Variants in AMZ2 observed in about 807,000 individuals in gnomAD.
The protein encoded by AMZ2 is archaelysin family metallopeptidase 2, also known as archaemetzincin-2.
Under a neutral mutation model 36.7 loss-of-function variants are expected in AMZ2, and 26 were observed. The ratio of observed to expected loss-of-function variants is 0.71; its 90% confidence interval spans 0.52 to 0.98. AMZ2 has a LOEUF of 0.98. Among genes scored for constraint, AMZ2 ranks in the 50% least tolerant of loss-of-function variants. The pLI is 0.00. For synonymous variants in AMZ2, 144 were observed against 149.1 expected (o/e 0.97, Z 0.25); for missense variants, 394 against 430.5 (o/e 0.92, Z 0.75).
intron 1 of AMZ2, among the ~76,000 whole-genome samples, chr17:68,223,307 T>C (rs1184038888): frequency 1.3e-5 from 2 of 151,792 alleles, no homozygotes; most frequent in East Asian, 1.9e-4. Context: ...AAGGACTGAG[T>C]TATGCTGGAT....
upstream of AMZ2, chr17:68,247,039 A>T (rs1383954535): frequency 6.6e-6 from 1 of 150,676 alleles, no homozygotes; most frequent in African/African-American, 2.5e-5. Context: ...GAAAACCCGT[A>T]TTAAAAAAAA....
chr17:68,253,883 G>A (rs2074690146), intron 4 of AMZ2, among the ~76,000 whole-genome samples: 1 of 151,846 alleles, frequency 6.6e-6, no homozygotes, highest in Admixed American at 6.6e-5. Context: ...CTCCCTAGTA[G>A]CTGGGATTAC....
chr17:68,229,417 G>T (rs2073605284), intron 1 of AMZ2, among the ~76,000 whole-genome samples: 1 of 152,216 alleles, frequency 6.6e-6, no homozygotes, highest in Admixed American at 6.5e-5. Flanking sequence ...GCCTGTGCTA[G>T]AACTGGGCAT....
intron 1 of AMZ2, among the ~76,000 whole-genome samples, chr17:68,208,206 G>A (rs2072903132): frequency 6.6e-6 from 1 of 152,220 alleles, no homozygotes; most frequent in African/African-American, 2.4e-5. Context: ...CGGGCACAGG[G>A]CGCGGGACTG....
intron 1 of AMZ2, among the ~76,000 whole-genome samples, chr17:68,216,536 G>A (rs782630789): frequency 1.2e-4 from 18 of 152,192 alleles, no homozygotes; most frequent in Non-Finnish European, 2.6e-4. Flanking sequence ...TGGCTCTTAG[G>A]AGGTAGAACC....
chr17:68,250,671 G>GA, intron 2 of AMZ2, 123 bp from the exon 3 acceptor site: 1 of 1,184,662 alleles, frequency 8.4e-7, no homozygotes, highest in Non-Finnish European at 1.2e-6. Flanking sequence ...ACCAATGAAT[G>GA]ATAAAGGTTA....
intron 1 of AMZ2, among the ~76,000 whole-genome samples, chr17:68,233,004 C>A (rs1249419277): frequency 6.6e-6 from 1 of 152,196 alleles, no homozygotes; most frequent in African/African-American, 2.4e-5. Flanking sequence ...ACACAACAAG[C>A]ATTCATCACT....
At chr17:68,212,234 T>C (rs1167678053) in intron 1 of AMZ2, among the ~76,000 whole-genome samples, 1 of 152,146 alleles carries the variant, frequency 6.6e-6, no homozygotes, top group Non-Finnish European at 1.5e-5. Flanking sequence ...TAGCTAGGCA[T>C]GGTGGCACGT....
chr17:68,231,212 T>C (rs1172728114), intron 1 of AMZ2, among the ~76,000 whole-genome samples: 2 of 152,082 alleles, frequency 1.3e-5, no homozygotes, highest in African/African-American at 4.8e-5. Flanking sequence ...TACAGGAATG[T>C]GCCACCACGC....
chr17:68,247,793 G>A (rs1372836806), upstream of AMZ2: 5 of 985,584 alleles, frequency 5.1e-6, no homozygotes, highest in Non-Finnish European at 6.0e-6. Context: ...CGGAGCCGCC[G>A]CGAGCGCAAG....
intron 1 of AMZ2, among the ~76,000 whole-genome samples, chr17:68,210,571 C>T (rs1190933428): frequency 6.6e-6 from 1 of 152,072 alleles, no homozygotes; most frequent in Non-Finnish European, 1.5e-5. Context: ...TACGAGTTTC[C>T]ATTTGGGAAG....
At chr17:68,244,567 A>G (rs1326713418), upstream of AMZ2, among the ~76,000 whole-genome samples, 2 of 152,228 alleles carry the variant, frequency 1.3e-5, no homozygotes, top group Non-Finnish European at 2.9e-5. Flanking sequence ...GATTACAGGC[A>G]TGAGCCACCT....
At chr17:68,225,883 C>A (rs1420888669) in intron 1 of AMZ2, among the ~76,000 whole-genome samples, 2 of 152,150 alleles carry the variant, frequency 1.3e-5, no homozygotes, top group African/African-American at 4.8e-5. Flanking sequence ...CTTGGCCTCC[C>A]AAAGTGCTGG....
intron 5 of AMZ2, 94 bp from the exon 6 acceptor site, chr17:68,255,606 G>A: frequency 7.5e-7 from 1 of 1,340,254 alleles, no homozygotes; most frequent in Non-Finnish European, 1.0e-6. Context: ...TAAGGGAGTT[G>A]ATTCCTATGT....
intron 1 of AMZ2, among the ~76,000 whole-genome samples, chr17:68,230,731 G>A (rs1230349840): frequency 6.6e-6 from 1 of 152,190 alleles, no homozygotes; most frequent in Non-Finnish European, 1.5e-5. Flanking sequence ...GCATCTTGGA[G>A]GGCCTCTCAT....
chr17:68,248,424 G>GT lies in AMZ2; in HGVS notation c.-281dup, dbSNP rs1192502511. On this transcript the variant is annotated 5_prime_UTR_variant, in exon 1 of 7. Transcript: ENST00000359904. ...GAGTTGCTATAGGCAACCAGCCAGG[G>GT]TGGCCAGCTCCTTCCCGTTTGCCCG... 1 of 986,138 alleles carries GT rather than the reference G, an allele frequency of 1.0e-6. No homozygotes were observed. Among genetic ancestry groups the GT allele is most frequent in the Non-Finnish European group, 1.2e-6 (1 of 830,250 alleles). 61.1% of individuals were successfully genotyped at this position (986,138 alleles called of 1,614,324 possible). A position where few individuals can be genotyped will look rare whatever the true frequency, so the allele number is the denominator to read the frequency against.
chr17:68,249,882 A>G, intron 1 of AMZ2: 1 of 335,596 alleles, frequency 3.0e-6, no homozygotes, highest in Non-Finnish European at 5.5e-6. Context: ...CCTGGCCTCA[A>G]GCAATCCTCC....
intron 1 of AMZ2, among the ~76,000 whole-genome samples, chr17:68,229,392 A>G (rs1312509096): frequency 3.3e-5 from 5 of 152,164 alleles, no homozygotes. Context: ...TCAGTCCCCA[A>G]CAGGAAGTGT....
chr17:68,242,869 C>T (rs1555734374), intron 1 of AMZ2, among the ~76,000 whole-genome samples: 1 of 150,346 alleles, frequency 6.7e-6, no homozygotes, highest in African/African-American at 2.4e-5. Flanking sequence ...TGGTGAAACC[C>T]CCTCTCTACA....
Sources: gnomAD v4.1 joint callset for allele counts (sites outside exome capture counted in the v4.1 genomes callset) on GRCh38, gnomAD v4.1.1 for gene constraint, MANE v1.5 for transcripts, NCBI Gene and HGNC (gene_info 2026-07-23, HGNC 2026-07-21) for gene names.